GRK3: variants seen among roughly 807,000 people sequenced by gnomAD.
GRK3 encodes adrenergic, beta, receptor kinase 2.
GRK3 carries 54 observed loss-of-function variants against 95.7 expected under a neutral mutation model. That is an observed-to-expected ratio of 0.56 (90% CI 0.45 to 0.71). GRK3 has a LOEUF of 0.71. Among genes scored for constraint, GRK3 ranks in the 30% least tolerant of loss-of-function variants. GRK3 has a pLI of 0.00. For synonymous variants in GRK3, 281 were observed against 290.8 expected, an observed-to-expected ratio of 0.97 and a Z score of 0.34; for missense variants, 649 against 851.2, an observed-to-expected ratio of 0.76 and a Z score of 2.96.
chr22:25,693,774 C>CTTTT (rs542086916), intron 12 of GRK3, among the ~76,000 whole-genome samples: 44 of 112,838 alleles, frequency 3.9e-4, no homozygotes, highest in South Asian at 6.3e-4. Flanking sequence ...GTTAAAAATT[C>CTTTT]TTTTTTTTTT....
At chr22:25,639,643 T>A (rs1173391145) in intron 2 of GRK3, among the ~76,000 whole-genome samples, 3 of 152,162 alleles carry the variant, frequency 2.0e-5, no homozygotes, top group Admixed American at 6.5e-5. Context: ...GTTTTGGGTA[T>A]TCTAGGTTTT....
chr22:25,579,393 A>C (rs1015594177), intron 1 of GRK3, among the ~76,000 whole-genome samples: 2 of 151,542 alleles, frequency 1.3e-5, no homozygotes, highest in Non-Finnish European at 2.9e-5. Context: ...TGATCTGTTC[A>C]CCTCAGCCTC....
chr22:25,707,895 G>A (rs751071077), intron 15 of GRK3, among the ~76,000 whole-genome samples: 5 of 151,986 alleles, frequency 3.3e-5, no homozygotes, highest in Non-Finnish European at 7.4e-5. Context: ...CTGGCAGTAC[G>A]TCTATCATCC....
At chr22:25,605,513 A>G (rs541011100) in intron 2 of GRK3, among the ~76,000 whole-genome samples, 2 of 152,312 alleles carry the variant, frequency 1.3e-5, no homozygotes, top group South Asian at 2.1e-4. Flanking sequence ...GAGTGGAGGG[A>G]AAAAGGAATT....
In GRK3 at chr22:25,724,513, T is replaced by A. The variant is rs2085459370; in HGVS notation, c.*2063T>A. Reference sequence around the variant, plus strand: ...TAGAACATAAGGCTCCACTCCCTTTTAGAAAAGATATATGAATTGGAAAAT... The same window carrying A: ...TAGAACATAAGGCTCCACTCCCTTTAAGAAAAGATATATGAATTGGAAAAT... On this transcript the variant is annotated 3_prime_UTR_variant, in exon 21 of 21. Transcript: ENST00000324198. 6.6e-6 allele frequency: 1 copy of A among 152,242 alleles called. No individual in the cohort carries two copies. The highest frequency in any genetic ancestry group is 1.5e-5 in the Non-Finnish European group (1 of 68,040). 9.4% of individuals were successfully genotyped at this position (152,242 alleles called of 1,614,324 possible).
intron 8 of GRK3, 70 bp downstream of exon 8, chr22:25,674,598 C>A: frequency 8.6e-7 from 1 of 1,158,834 alleles, no homozygotes. Flanking sequence ...AAAGAAAATT[C>A]CTATAAAGAA....
At chr22:25,708,204 G>A (rs573348734) in intron 15 of GRK3, among the ~76,000 whole-genome samples, 3 of 152,200 alleles carry the variant, frequency 2.0e-5, no homozygotes, top group African/African-American at 2.4e-5. Context: ...CCGAGATGGC[G>A]CCACTGCACT....
chr22:25,594,596 T>C (rs1234201830), intron 1 of GRK3, among the ~76,000 whole-genome samples: 1 of 152,168 alleles, frequency 6.6e-6, no homozygotes, highest in Non-Finnish European at 1.5e-5. Context: ...AATTAAAAAC[T>C]GGCCCGGTGC....
intron 3 of GRK3, among the ~76,000 whole-genome samples, chr22:25,645,271 T>C (rs1323125643): frequency 6.6e-6 from 1 of 152,108 alleles, no homozygotes; most frequent in African/African-American, 2.4e-5. Context: ...GAAAACAGAA[T>C]GGGCGAGAGA....
At chr22:25,659,899 A>G (rs2084898925) in intron 3 of GRK3, among the ~76,000 whole-genome samples, 1 of 152,228 alleles carries the variant, frequency 6.6e-6, no homozygotes, top group African/African-American at 2.4e-5. Context: ...AGGAGCTTCC[A>G]CAGAATGAGC....
intron 3 of GRK3, among the ~76,000 whole-genome samples, chr22:25,647,020 C>CAAAA (rs1025786169): frequency 1.9e-4 from 10 of 53,984 alleles, no homozygotes; most frequent in African/African-American, 4.5e-4. Context: ...GACTTTGTCT[C>CAAAA]AAAAAAAAAA....
chr22:25,667,452 G>A (rs1413405083), intron 5 of GRK3, among the ~76,000 whole-genome samples: 1 of 152,188 alleles, frequency 6.6e-6, no homozygotes, highest in African/African-American at 2.4e-5. Context: ...AGCGAGCCCT[G>A]CTCCTGTAAG....
At chr22:25,652,437 A>C (rs2084838931) in intron 3 of GRK3, among the ~76,000 whole-genome samples, 1 of 152,200 alleles carries the variant, frequency 6.6e-6, no homozygotes, top group Non-Finnish European at 1.5e-5. Context: ...ATGTATGTAA[A>C]ATATAAATGA....
intron 18 of GRK3, among the ~76,000 whole-genome samples, chr22:25,715,952 C>T (rs2085380605): frequency 6.6e-6 from 1 of 152,128 alleles, no homozygotes; most frequent in South Asian, 2.1e-4. Flanking sequence ...CTCTGTTTAC[C>T]TCAATTCTGC....
chr22:25,626,796 C>T (rs16980513), intron 2 of GRK3, among the ~76,000 whole-genome samples: 2 of 152,176 alleles, frequency 1.3e-5, no homozygotes, highest in African/African-American at 4.8e-5. Flanking sequence ...AAGATCGGTG[C>T]ACAGTCAGGG....
intron 1 of GRK3, among the ~76,000 whole-genome samples, chr22:25,566,440 A>T (rs996898377): frequency 3.3e-5 from 5 of 152,150 alleles, no homozygotes; most frequent in Non-Finnish European, 7.4e-5. Flanking sequence ...TCCCCTTGTT[A>T]TTTGTTGTGA....
intron 2 of GRK3, among the ~76,000 whole-genome samples, chr22:25,606,978 C>T (rs1209143457): frequency 1.3e-5 from 2 of 152,158 alleles, no homozygotes; most frequent in Non-Finnish European, 1.5e-5. Context: ...AATTGGCTCT[C>T]AGCAGATGCT....
At chr22:25,568,149 G>A (rs927361599) in intron 1 of GRK3, among the ~76,000 whole-genome samples, 2 of 152,186 alleles carry the variant, frequency 1.3e-5, no homozygotes, top group Non-Finnish European at 2.9e-5. Context: ...TAAAACAGGA[G>A]CATTTAGATG....
At chr22:25,665,576 A>G (rs1428424792) in intron 5 of GRK3, among the ~76,000 whole-genome samples, 4 of 151,086 alleles carry the variant, frequency 2.6e-5, no homozygotes, top group East Asian at 3.9e-4. Context: ...CATTAAAAAA[A>G]TAGTCAAAAT....
Sources: allele counts gnomAD v4.1 joint callset (sites outside exome capture counted in the v4.1 genomes callset), GRCh38; gene constraint gnomAD v4.1.1; transcripts MANE v1.5; gene names NCBI Gene and HGNC (gene_info 2026-07-23, HGNC 2026-07-21).